The following KLHL5 variants were observed in gnomAD, a reference collection of about 807,000 sequenced individuals.
KLHL5 encodes the protein kelch-like protein 5.
In KLHL5, 48 loss-of-function variants were observed where a neutral mutation model predicts 77.7. The ratio of observed to expected loss-of-function variants is 0.62; its 90% confidence interval spans 0.49 to 0.79. KLHL5 has a LOEUF of 0.79. Ranked by LOEUF, KLHL5 falls within the 30% of genes least tolerant of loss-of-function variation. KLHL5 has a pLI of 0.00. For missense variants in KLHL5, 723 were observed against 859.7 expected (o/e 0.84, Z 1.99); for synonymous variants, 260 against 297.0 (o/e 0.88, Z 1.28).
intron 1 of KLHL5, chr4:39,045,177 G>T: frequency 1.0e-6 from 1 of 983,796 alleles, no homozygotes; most frequent in Non-Finnish European, 1.2e-6. Context: ...CGACTCTCAC[G>T]CCCCGCTGCG....
Position 39,125,557 on chromosome 4 carries a change from C to G in KLHL5, c.*4491C>G, listed in dbSNP as rs1723490998. 6.6e-6 allele frequency among the ~76,000 whole-genome samples: 1 copy of G among 152,028 alleles called. No individual in the cohort carries two copies. Among genetic ancestry groups the G allele is most frequent in the Non-Finnish European group, 1.5e-5 (1 of 68,004 alleles). On this transcript the variant is annotated 3_prime_UTR_variant, in exon 11 of 11. Coordinates refer to ENST00000504108, the MANE Select transcript of KLHL5 (RefSeq NM_015990.5). ...TGATACATGCTAAAGCATGGATGAG[C>G]CTTGAGCGCATTTTTGCCAAGTGAA...
At chr4:39,048,225 T>A (rs1716346984) in intron 1 of KLHL5, among the ~76,000 whole-genome samples, 1 of 152,136 alleles carries the variant, frequency 6.6e-6, no homozygotes, top group Admixed American at 6.5e-5. Flanking sequence ...GTTGAGAGAA[T>A]GAGGTGTTGG....
chr4:39,092,717 A>G (rs1720699643), intron 5 of KLHL5, among the ~76,000 whole-genome samples: 1 of 152,182 alleles, frequency 6.6e-6, no homozygotes, highest in African/African-American at 2.4e-5. Context: ...CAACTTTTTT[A>G]TAGTGACTCT....
intron 6 of KLHL5, among the ~76,000 whole-genome samples, chr4:39,102,117 T>G (rs1721627834): frequency 6.6e-6 from 1 of 150,902 alleles, no homozygotes; most frequent in Non-Finnish European, 1.5e-5. Flanking sequence ...TTTCTAAATT[T>G]TAGGAAGTTA....
chr4:39,116,930 G>T (rs1038507674), intron 10 of KLHL5, among the ~76,000 whole-genome samples: 1 of 152,038 alleles, frequency 6.6e-6, no homozygotes, highest in South Asian at 2.1e-4. Context: ...TTCACCTCCC[G>T]CATTCAAGAG....
chr4:39,071,129 G>A (rs1248529684), intron 1 of KLHL5, among the ~76,000 whole-genome samples: 1 of 151,918 alleles, frequency 6.6e-6, no homozygotes. Context: ...TAGTAAATTT[G>A]GGCACATGCT....
chr4:39,139,457 A>G, the KLHL5 span, among the ~76,000 whole-genome samples: 1 of 152,090 alleles, frequency 6.6e-6, no homozygotes, highest in Non-Finnish European at 1.5e-5. Flanking sequence ...GTATGACACT[A>G]TAATTATGGG....
intron 7 of KLHL5, among the ~76,000 whole-genome samples, chr4:39,107,327 C>T (rs1722115494): frequency 6.6e-6 from 1 of 151,850 alleles, no homozygotes; most frequent in African/African-American, 2.4e-5. Flanking sequence ...AGATTACAGG[C>T]ATAAGTCACC....
rs748248562 is a variant in KLHL5 at position 39,062,976 on chromosome 4, A to G, written c.324A>G (p.Arg108=). 10 of 1,614,082 alleles carry G rather than the reference A, an allele frequency of 6.2e-6. No homozygotes were observed. In the East Asian group the frequency reaches 2.0e-4, roughly 32 times the overall value. ...GTGGCGGTGCACATTGGCTGGATAG[A>G]CCAGAAGTGGATGATGGCACTAGTG... ...EDCGGAHWLD[R]PEVDDGTSEE... is the part of the protein sequence containing the mutation. The change falls in exon 1 of 11, where the codon AGA becomes AGG. Residue 108 remains arginine, a synonymous_variant. Coordinates refer to ENST00000504108, the MANE Select transcript of KLHL5 (RefSeq NM_015990.5).
At chr4:39,061,297 G>A (rs1717395430), upstream of KLHL5, among the ~76,000 whole-genome samples, 1 of 152,000 alleles carries the variant, frequency 6.6e-6, no homozygotes, top group African/African-American at 2.4e-5. Context: ...TTGTTTTTTG[G>A]TCAGCTTAGA....
upstream of KLHL5, among the ~76,000 whole-genome samples, chr4:39,060,626 T>C (rs767080968): frequency 1.3e-5 from 2 of 152,178 alleles, no homozygotes; most frequent in African/African-American, 4.8e-5. Flanking sequence ...CAAACAGTGT[T>C]ATAAAAGAGG....
chr4:39,103,591 C>A, intron 7 of KLHL5, 80 bp downstream of exon 7: 1 of 1,148,250 alleles, frequency 8.7e-7, no homozygotes, highest in Non-Finnish European at 1.3e-6. Flanking sequence ...GGCAGAGGAC[C>A]CGTGTGGCAG....
chr4:39,102,121 G>A (rs964806895), intron 6 of KLHL5, among the ~76,000 whole-genome samples: 1 of 150,860 alleles, frequency 6.6e-6, no homozygotes, highest in Non-Finnish European at 1.5e-5. Flanking sequence ...TAAATTTTAG[G>A]AAGTTATCAA....
At chr4:39,137,838 G>C in the KLHL5 span, among the ~76,000 whole-genome samples, 1 of 151,740 alleles carries the variant, frequency 6.6e-6, no homozygotes, top group Non-Finnish European at 1.5e-5. Context: ...AGATCTAATA[G>C]CCAGCATCTA....
At chr4:39,069,902 A>G (rs2249011) in intron 1 of KLHL5, among the ~76,000 whole-genome samples, 114,501 of 152,058 alleles carry the variant, frequency 0.75, 43,122 homozygotes, top group East Asian at 0.82. Flanking sequence ...CTTTAGACAT[A>G]GCTGGATCCA....
chr4:39,114,324 T>C (rs1259459351), intron 9 of KLHL5, among the ~76,000 whole-genome samples: 2 of 152,168 alleles, frequency 1.3e-5, no homozygotes, highest in Non-Finnish European at 2.9e-5. Context: ...GCAACTTCAC[T>C]TTATAACAGT....
At chr4:39,058,621 A>T (rs767471853), upstream of KLHL5, among the ~76,000 whole-genome samples, 4 of 152,050 alleles carry the variant, frequency 2.6e-5, no homozygotes, top group East Asian at 7.7e-4. Flanking sequence ...TGTCTCAAAA[A>T]ATATATATAT....
rs190520712 is a variant in KLHL5 at position 39,122,871 on chromosome 4, A to T, written c.*1805A>T. 3.3e-3 allele frequency among the ~76,000 whole-genome samples: 497 copies of T among 151,910 alleles called. 2 individuals carry two copies. Among genetic ancestry groups the T allele is most frequent in the South Asian group, 0.016 (79 of 4,808 alleles). ...ATTTTATGTGAGGAATTATTTTAAT[A>T]AAAAAAAGAGGGTTTATGCTCTATA... On this transcript the variant is annotated 3_prime_UTR_variant, in exon 11 of 11. Transcript: ENST00000504108.
intron 6 of KLHL5, among the ~76,000 whole-genome samples, chr4:39,102,835 C>T (rs1005507624): frequency 2.6e-5 from 4 of 152,226 alleles, no homozygotes; most frequent in African/African-American, 9.6e-5. Flanking sequence ...AGTCACGTCT[C>T]AACCACTCAA....
Sources: gnomAD v4.1 joint callset for allele counts (sites outside exome capture counted in the v4.1 genomes callset) on GRCh38, gnomAD v4.1.1 for gene constraint, MANE v1.5 for transcripts, NCBI Gene and HGNC (gene_info 2026-07-23, HGNC 2026-07-21) for gene names.